ZMYM2: variants seen among roughly 807,000 people sequenced by gnomAD.
ZMYM2 encodes zinc finger MYM-type protein 2.
ZMYM2 carries 56 observed loss-of-function variants against 162.8 expected under a neutral mutation model. That is an observed-to-expected ratio of 0.34 (90% CI 0.28 to 0.43). The LOEUF (loss-of-function observed/expected upper bound fraction) is 0.43, where lower values mean the gene tolerates loss of function less well. Among genes scored for constraint, ZMYM2 ranks in the 20% least tolerant of loss-of-function variants. The probability of loss-of-function intolerance (pLI) is 1.00; values close to 1 mark genes in which losing one functional copy is unlikely to be tolerated. For synonymous variants in ZMYM2, 510 were observed against 541.6 expected (o/e 0.94, Z 0.81); for missense variants, 1,275 against 1,621.8 (o/e 0.79, Z 3.67).
At chr13:19,991,624 CTTTTTTTTT>C (rs11413369) in intron 2 of ZMYM2, among the ~76,000 whole-genome samples, 2 of 131,376 alleles carry the variant, frequency 1.5e-5, no homozygotes, top group East Asian at 4.4e-4. Context: ...TTTTCTTTTT[CTTTTTTTTT>C]TTTTTTTCCC....
At chr13:19,931,056 G>A in the ZMYM2 span, among the ~76,000 whole-genome samples, 27 of 150,602 alleles carry the variant, frequency 1.8e-4, no homozygotes, top group East Asian at 1.8e-3. Flanking sequence ...GGAGAATGGC[G>A]TGAACCCAGG....
At position 19,998,147 on chromosome 13, in the gene ZMYM2, A is replaced by G. The variant is rs1007585394; in HGVS notation, c.847+4228A>G. On this transcript the variant is annotated intron_variant, in intron 3 of 24. Transcript: ENST00000610343. ...AATAGAGAATAATGGATGAAGAGCT[A>G]TAAAATCTTGGCTATTTATATTGGT... is the stretch of plus-strand genomic sequence containing the variant. 9.2e-5 allele frequency among the ~76,000 whole-genome samples: 14 copies of G among 152,352 alleles called. 1 individual carries two copies. The highest frequency in any genetic ancestry group is 3.4e-4 in the African/African-American group (14 of 41,596).
chr13:19,933,548 G>A, the ZMYM2 span, among the ~76,000 whole-genome samples: 1 of 152,136 alleles, frequency 6.6e-6, no homozygotes, highest in African/African-American at 2.4e-5. Context: ...GCCTGAGATA[G>A]AGATTGGCAT....
chr13:19,952,146 A>T, the ZMYM2 span, among the ~76,000 whole-genome samples: 2 of 152,156 alleles, frequency 1.3e-5, no homozygotes, highest in African/African-American at 4.8e-5. Flanking sequence ...AGAAAGACAA[A>T]TACCACATAA....
chr13:19,922,542 C>G, the ZMYM2 span, among the ~76,000 whole-genome samples: 1 of 151,954 alleles, frequency 6.6e-6, no homozygotes, highest in Non-Finnish European at 1.5e-5. Flanking sequence ...TTTTTTTTCT[C>G]CATATGAAAA....
chr13:20,018,818 G>A (rs891473051), intron 6 of ZMYM2, among the ~76,000 whole-genome samples: 2 of 152,262 alleles, frequency 1.3e-5, no homozygotes, highest in Non-Finnish European at 1.5e-5. Context: ...GGTGGCTCAC[G>A]ACTGTAATCG....
At chr13:19,893,508 C>A in the ZMYM2 span, among the ~76,000 whole-genome samples, 1 of 151,778 alleles carries the variant, frequency 6.6e-6, no homozygotes, top group South Asian at 2.1e-4. Context: ...GAGGCCAAGG[C>A]GGGTGGATCA....
chr13:20,052,108 A>G (rs1453612578), intron 13 of ZMYM2, among the ~76,000 whole-genome samples, 169 bp from the exon 14 acceptor site: 1 of 152,152 alleles, frequency 6.6e-6, no homozygotes, highest in Non-Finnish European at 1.5e-5. Context: ...TCATTTATTT[A>G]CCTGTATATT....
chr13:20,008,890 CTG>C (rs1950955399), intron 6 of ZMYM2, among the ~76,000 whole-genome samples: 1 of 151,784 alleles, frequency 6.6e-6, no homozygotes, highest in South Asian at 2.1e-4. Flanking sequence ...GAAAAATAAA[CTG>C]AAACAGAAGA....
the ZMYM2 span, among the ~76,000 whole-genome samples, chr13:19,884,692 G>A: frequency 2.0e-5 from 3 of 152,042 alleles, no homozygotes; most frequent in African/African-American, 7.2e-5. Flanking sequence ...TCCGGACTTC[G>A]TTCCTTGCGG....
chr13:19,927,755 G>C, the ZMYM2 span, among the ~76,000 whole-genome samples: 1 of 152,118 alleles, frequency 6.6e-6, no homozygotes, highest in Non-Finnish European at 1.5e-5. Context: ...TTATACTTCA[G>C]GGAGCCATGT....
chr13:19,894,505 C>G, the ZMYM2 span, among the ~76,000 whole-genome samples: 1 of 151,954 alleles, frequency 6.6e-6, no homozygotes, highest in Admixed American at 6.5e-5. Context: ...GCCACCACGC[C>G]CAGCTAATTT....
At chr13:20,008,695 C>T (rs1950936681) in intron 6 of ZMYM2, among the ~76,000 whole-genome samples, 1 of 152,092 alleles carries the variant, frequency 6.6e-6, no homozygotes, top group Non-Finnish European at 1.5e-5. Flanking sequence ...TTATTTGGTA[C>T]TTTTGCATTG....
chr13:19,866,000 A>ACTCT, the ZMYM2 span, among the ~76,000 whole-genome samples: 121,850 of 151,868 alleles, frequency 0.8, 50,221 homozygotes, highest in East Asian at 0.96. Context: ...AGTTACTTAA[A>ACTCT]CTCAGCCTCA....
chr13:19,924,679 T>C, the ZMYM2 span, among the ~76,000 whole-genome samples: 1 of 152,188 alleles, frequency 6.6e-6, no homozygotes, highest in Non-Finnish European at 1.5e-5. Context: ...CCATTGTACA[T>C]ATATCCTACA....
the ZMYM2 span, among the ~76,000 whole-genome samples, chr13:19,870,344 C>T: frequency 6.6e-6 from 1 of 151,986 alleles, no homozygotes; most frequent in Non-Finnish European, 1.5e-5. Context: ...TTTGTAGTTG[C>T]CCAGGCTGGT....
intron 2 of ZMYM2, among the ~76,000 whole-genome samples, chr13:19,974,697 C>G (rs1205799063): frequency 3.3e-5 from 5 of 152,104 alleles, no homozygotes; most frequent in African/African-American, 4.8e-5. Flanking sequence ...ATCTCTAACT[C>G]CTGACCTCGT....
At chr13:19,962,872 A>G (rs1436807225) in intron 2 of ZMYM2, among the ~76,000 whole-genome samples, 4 of 126,154 alleles carry the variant, frequency 3.2e-5, no homozygotes, top group Non-Finnish European at 4.8e-5. Flanking sequence ...TCCAGGCTGG[A>G]GTGCAGTGGC....
chr13:20,023,233 A>G lies in ZMYM2; in HGVS notation c.1585-3379A>G, dbSNP rs575899629. ...GGTAATTTCTTTACTGTGCGATGTC[A>G]CAGACTAAAGTTTATATTGTATTTG... is the stretch of plus-strand genomic sequence containing the variant. On this transcript the variant is annotated intron_variant, in intron 7 of 24. Coordinates refer to ENST00000610343, the MANE Select transcript of ZMYM2 (RefSeq NM_197968.4). Among the ~76,000 whole-genome samples, 283 of 152,328 alleles carry G rather than the reference A, an allele frequency of 1.9e-3. 1 individual carries two copies. The highest frequency in any genetic ancestry group is 5.4e-3 in the South Asian group (26 of 4,826).
Sources: allele counts gnomAD v4.1 joint callset (sites outside exome capture counted in the v4.1 genomes callset), GRCh38; gene constraint gnomAD v4.1.1; transcripts MANE v1.5; gene names NCBI Gene and HGNC (gene_info 2026-07-23, HGNC 2026-07-21).